KCNIP4: variants seen among roughly 807,000 people sequenced by gnomAD.
The protein encoded by KCNIP4 is potassium voltage-gated channel interacting protein 4, also known as Kv channel-interacting protein 4.
KCNIP4 carries 12 observed loss-of-function variants against 34.0 expected under a neutral mutation model. The observed-to-expected ratio is 0.35, with a 90% CI of 0.23 to 0.57. The LOEUF (loss-of-function observed/expected upper bound fraction) is 0.57, where lower values mean the gene tolerates loss of function less well. Ranked by LOEUF, KCNIP4 falls within the 20% of genes least tolerant of loss-of-function variation. The pLI, the probability that KCNIP4 is intolerant of heterozygous loss-of-function variation, is 0.83. For missense variants in KCNIP4, 238 were observed against 311.7 expected (o/e 0.76, Z 1.78); for synonymous variants, 124 against 102.2 (o/e 1.21, Z -1.29).
At chr4:21,078,517 A>G (rs765758381) in intron 1 of KCNIP4, among the ~76,000 whole-genome samples, 5 of 151,940 alleles carry the variant, frequency 3.3e-5, no homozygotes, top group Non-Finnish European at 7.4e-5. Context: ...AAGAGCACTA[A>G]TTCCATTCAT....
chr4:21,378,729 A>T (rs954079007), intron 1 of KCNIP4, among the ~76,000 whole-genome samples: 1 of 152,152 alleles, frequency 6.6e-6, no homozygotes, highest in African/African-American at 2.4e-5. Flanking sequence ...AGGGATATTT[A>T]TGTGTGCATT....
At chr4:21,628,819 A>C (rs1745515313) in intron 1 of KCNIP4, among the ~76,000 whole-genome samples, 2 of 152,256 alleles carry the variant, frequency 1.3e-5, no homozygotes, top group South Asian at 4.1e-4. Flanking sequence ...ATTGAACTTA[A>C]TACCATAATA....
chr4:20,869,274 G>A (rs1723182570), intron 2 of KCNIP4, among the ~76,000 whole-genome samples: 1 of 152,038 alleles, frequency 6.6e-6, no homozygotes, highest in African/African-American at 2.4e-5. Flanking sequence ...AGTGATCTGG[G>A]TTTTGTTATG....
At chr4:21,728,605 T>C (rs773587073) in intron 1 of KCNIP4, among the ~76,000 whole-genome samples, 3 of 152,138 alleles carry the variant, frequency 2.0e-5, no homozygotes, top group Admixed American at 2.0e-4. Context: ...CCCATTCCAT[T>C]TGAGGAAAAA....
At chr4:20,773,631 G>T (rs760008130) in intron 3 of KCNIP4, among the ~76,000 whole-genome samples, 4 of 152,156 alleles carry the variant, frequency 2.6e-5, no homozygotes, top group Non-Finnish European at 5.9e-5. Context: ...CTAGAAAAGC[G>T]ATTTCCAGTT....
chr4:21,890,055 G>T (rs10155094), intron 1 of KCNIP4, among the ~76,000 whole-genome samples: 47,550 of 151,902 alleles, frequency 0.31, 7,797 homozygotes, highest in African/African-American at 0.42. Flanking sequence ...TAGAGGCATT[G>T]TGGTAGTACT....
chr4:21,246,507 C>T (rs1383521792), intron 1 of KCNIP4, among the ~76,000 whole-genome samples: 1 of 152,156 alleles, frequency 6.6e-6, no homozygotes, highest in Non-Finnish European at 1.5e-5. Context: ...ATGCCTAAAT[C>T]ACTGAAGAAC....
intron 1 of KCNIP4, among the ~76,000 whole-genome samples, chr4:20,886,063 A>T (rs1244917585): frequency 6.6e-6 from 1 of 152,234 alleles, no homozygotes; most frequent in Admixed American, 6.5e-5. Context: ...TACATATTTG[A>T]CACGTCTTCC....
intron 1 of KCNIP4, among the ~76,000 whole-genome samples, chr4:21,733,074 C>T (rs767542486): frequency 2.6e-5 from 4 of 152,284 alleles, no homozygotes; most frequent in South Asian, 2.1e-4. Flanking sequence ...CGAATCTCAA[C>T]GCTGAGCAAG....
intron 1 of KCNIP4, among the ~76,000 whole-genome samples, chr4:21,216,796 A>G (rs540310168): frequency 6.6e-6 from 1 of 152,266 alleles, no homozygotes; most frequent in South Asian, 2.1e-4. Flanking sequence ...TAAACCAAGA[A>G]CATTGACATT....
intron 1 of KCNIP4, among the ~76,000 whole-genome samples, chr4:21,729,418 T>C (rs1194066634): frequency 6.6e-6 from 1 of 152,180 alleles, no homozygotes; most frequent in East Asian, 1.9e-4. Flanking sequence ...CTAGGTAATA[T>C]AATTTGTTGG....
At chr4:21,921,994 C>T (rs1240298975) in intron 1 of KCNIP4, among the ~76,000 whole-genome samples, 2 of 152,194 alleles carry the variant, frequency 1.3e-5, no homozygotes, top group Non-Finnish European at 2.9e-5. Flanking sequence ...ACCTACCTCA[C>T]TGACTCATCT....
At chr4:20,931,131 A>G (rs1031462161) in intron 1 of KCNIP4, among the ~76,000 whole-genome samples, 1 of 151,950 alleles carries the variant, frequency 6.6e-6, no homozygotes, top group Non-Finnish European at 1.5e-5. Context: ...ATATGGAAAC[A>G]ACCTAAGAGT....
chr4:21,740,040 A>G (rs2109126650), intron 1 of KCNIP4, among the ~76,000 whole-genome samples: 1 of 152,236 alleles, frequency 6.6e-6, no homozygotes, highest in South Asian at 2.1e-4. Flanking sequence ...GATGCTGCAT[A>G]TACTTGAGTA....
At chr4:20,988,413 T>C (rs1164883070) in intron 1 of KCNIP4, among the ~76,000 whole-genome samples, 1 of 152,236 alleles carries the variant, frequency 6.6e-6, no homozygotes, top group Non-Finnish European at 1.5e-5. Flanking sequence ...TCCATTGTGA[T>C]CCTTTAAATA....
intron 1 of KCNIP4, among the ~76,000 whole-genome samples, chr4:20,893,422 GT>G (rs139392649): frequency 6.6e-6 from 1 of 150,776 alleles, no homozygotes; most frequent in African/African-American, 2.4e-5. Flanking sequence ...CTGAGCCTCT[GT>G]TTTTTTTTGT....
intron 1 of KCNIP4, among the ~76,000 whole-genome samples, chr4:21,633,856 TA>T (rs908076606): frequency 2.6e-5 from 4 of 151,872 alleles, no homozygotes; most frequent in Non-Finnish European, 4.4e-5. Context: ...TTTTCCAAAA[TA>T]AAAAAAATTG....
At chr4:21,266,467 A>G (rs1365192472) in intron 1 of KCNIP4, among the ~76,000 whole-genome samples, 1 of 152,188 alleles carries the variant, frequency 6.6e-6, no homozygotes, top group Non-Finnish European at 1.5e-5. Flanking sequence ...GTTACCTGTT[A>G]ACAGAAAGGG....
intron 1 of KCNIP4, among the ~76,000 whole-genome samples, chr4:21,748,391 A>G (rs1716923144): frequency 1.3e-5 from 2 of 152,188 alleles, no homozygotes; most frequent in South Asian, 4.1e-4. Flanking sequence ...GGTATACCTA[A>G]TAAGCATTTG....
Sources: allele counts gnomAD v4.1 joint callset (sites outside exome capture counted in the v4.1 genomes callset), GRCh38; gene constraint gnomAD v4.1.1; transcripts MANE v1.5; gene names NCBI Gene and HGNC (gene_info 2026-07-23, HGNC 2026-07-21).